KIAA1549L: variants seen among roughly 807,000 people sequenced by gnomAD.
KIAA1549L encodes the protein UPF0606 protein KIAA1549L.
A neutral mutation model predicts 160.7 loss-of-function variants in KIAA1549L; 88 were observed. The observed-to-expected ratio is 0.55, with a 90% confidence interval of 0.46 to 0.65. The LOEUF is 0.65. Among genes scored for constraint, KIAA1549L ranks in the 30% least tolerant of loss-of-function variants. The pLI is 0.00. For synonymous variants in KIAA1549L, 950 were observed against 976.7 expected, an observed-to-expected ratio of 0.97 and a Z score of 0.51; for missense variants, 2,258 against 2,437.5, an observed-to-expected ratio of 0.93 and a Z score of 1.55.
intron 15 of KIAA1549L, 86 bp downstream of exon 15, chr11:33,610,052 T>C (rs1850610221): frequency 2.1e-6 from 2 of 962,482 alleles, no homozygotes; most frequent in Non-Finnish European, 3.3e-6. Context: ...TGGTTCCTTA[T>C]CTGGTACTGT....
intron 16 of KIAA1549L, among the ~76,000 whole-genome samples, chr11:33,627,456 AG>A (rs1158421750): frequency 1.3e-5 from 2 of 152,028 alleles, no homozygotes. Context: ...GTCTATTCAG[AG>A]ATTCAACTTC....
At chr11:33,637,282 A>T (rs541747568) in intron 16 of KIAA1549L, among the ~76,000 whole-genome samples, 1 of 152,194 alleles carries the variant, frequency 6.6e-6, no homozygotes, top group Non-Finnish European at 1.5e-5. Context: ...GACCACCCTA[A>T]TCCAGGCCCC....
At chr11:33,604,862 C>T (rs1850456695) in intron 13 of KIAA1549L, among the ~76,000 whole-genome samples, 1 of 152,158 alleles carries the variant, frequency 6.6e-6, no homozygotes, top group African/African-American at 2.4e-5. Flanking sequence ...ACACTACTTA[C>T]GTGACGGGTA....
At chr11:33,643,341 G>A (rs910961661) in intron 16 of KIAA1549L, among the ~76,000 whole-genome samples, 1 of 152,094 alleles carries the variant, frequency 6.6e-6, no homozygotes, top group Admixed American at 6.6e-5. Context: ...CCCACCCCCA[G>A]TACTACCCCA....
At chr11:33,503,559 A>C (rs1354663436) in intron 1 of KIAA1549L, among the ~76,000 whole-genome samples, 2 of 152,246 alleles carry the variant, frequency 1.3e-5, no homozygotes, top group African/African-American at 4.8e-5. Flanking sequence ...TCCCTTTACA[A>C]AGGAATTTAC....
chr11:33,588,871 TGGGGGAGCTGTCC>T (rs2133281686), intron 11 of KIAA1549L, among the ~76,000 whole-genome samples: 1 of 152,200 alleles, frequency 6.6e-6, no homozygotes, highest in Non-Finnish European at 1.5e-5. Flanking sequence ...CTCAGGGAAC[TGGGGGAGCTGTCC>T]ATGGCAAAGC....
chr11:33,594,723 C>T (rs569178506), intron 12 of KIAA1549L, among the ~76,000 whole-genome samples: 22 of 152,242 alleles, frequency 1.4e-4, no homozygotes, highest in African/African-American at 4.8e-4. Flanking sequence ...CAGAGATGTA[C>T]GAACAAATTA....
At chr11:33,483,135 C>T (rs1852448024) in intron 1 of KIAA1549L, among the ~76,000 whole-genome samples, 1 of 152,106 alleles carries the variant, frequency 6.6e-6, no homozygotes, top group Non-Finnish European at 1.5e-5. Flanking sequence ...TCCTTTCCTT[C>T]TGGTGTCTTT....
At chr11:33,603,924 A>C (rs1850430414) in intron 13 of KIAA1549L, among the ~76,000 whole-genome samples, 3 of 152,176 alleles carry the variant, frequency 2.0e-5, no homozygotes, top group Admixed American at 6.5e-5. Flanking sequence ...CTTGGCGGGA[A>C]GACCTTGGTT....
chr11:33,551,824 G>A (rs1854472885), intron 5 of KIAA1549L, among the ~76,000 whole-genome samples: 1 of 152,146 alleles, frequency 6.6e-6, no homozygotes, highest in African/African-American at 2.4e-5. Flanking sequence ...ATTGTGATTT[G>A]TCAGTCTTTG....
chr11:33,460,698 C>T (rs1057307911), intron 1 of KIAA1549L, among the ~76,000 whole-genome samples: 14 of 152,214 alleles, frequency 9.2e-5, no homozygotes, highest in African/African-American at 2.6e-4. Context: ...TGGGATAGTA[C>T]GTTTAATTAA....
chr11:33,566,059 G>A (rs972092667), intron 8 of KIAA1549L, among the ~76,000 whole-genome samples: 5 of 152,088 alleles, frequency 3.3e-5, no homozygotes, highest in Non-Finnish European at 7.4e-5. Flanking sequence ...TAACATAAAA[G>A]TTACCATTTT....
chr11:33,572,037 A>C (rs911963165), intron 9 of KIAA1549L, among the ~76,000 whole-genome samples: 3 of 146,404 alleles, frequency 2.0e-5, no homozygotes, highest in African/African-American at 8.3e-5. Flanking sequence ...TTTTATTATG[A>C]ACTTTTTTTT....
chr11:33,595,195 C>T (rs1850165650), intron 12 of KIAA1549L, among the ~76,000 whole-genome samples: 1 of 152,106 alleles, frequency 6.6e-6, no homozygotes, highest in Non-Finnish European at 1.5e-5. Flanking sequence ...GATGATAACA[C>T]ATATATTCCT....
At chr11:33,414,681 G>C (rs760254949) in intron 1 of KIAA1549L, among the ~76,000 whole-genome samples, 4 of 152,192 alleles carry the variant, frequency 2.6e-5, no homozygotes, top group Non-Finnish European at 4.4e-5. Context: ...ACAACAACAA[G>C]CGACCTTTCC....
chr11:33,464,932 G>A (rs79732720), intron 1 of KIAA1549L, among the ~76,000 whole-genome samples: 2 of 151,452 alleles, frequency 1.3e-5, no homozygotes, highest in African/African-American at 2.4e-5. Context: ...TCGTGCAAAT[G>A]TAAGGAATCT....
chr11:33,578,341 C>T (rs1278298047), intron 10 of KIAA1549L, among the ~76,000 whole-genome samples: 1 of 152,142 alleles, frequency 6.6e-6, no homozygotes, highest in Non-Finnish European at 1.5e-5. Context: ...CCAAGGCTGC[C>T]ACCCTCTGAC....
chr11:33,592,566 T>C (rs560291592), intron 12 of KIAA1549L, among the ~76,000 whole-genome samples: 23 of 152,344 alleles, frequency 1.5e-4, no homozygotes, highest in Middle Eastern at 3.4e-3. Flanking sequence ...ACATGTGTAT[T>C]GATCATTTGC....
chr11:33,502,066 G>A (rs1054822689), intron 1 of KIAA1549L, among the ~76,000 whole-genome samples: 1 of 151,810 alleles, frequency 6.6e-6, no homozygotes, highest in African/African-American at 2.4e-5. Context: ...AGGAGAGAGG[G>A]GACTTTCGAG....
Sources: allele counts gnomAD v4.1 joint callset (sites outside exome capture counted in the v4.1 genomes callset), GRCh38; gene constraint gnomAD v4.1.1; transcripts MANE v1.5; gene names NCBI Gene and HGNC (gene_info 2026-07-23, HGNC 2026-07-21).